The following RAP1GDS1 variants were observed in gnomAD, a reference collection of about 807,000 sequenced individuals.
The protein encoded by RAP1GDS1 is Rap1 GTPase-GDP dissociation stimulator 1.
RAP1GDS1 carries 35 observed loss-of-function variants against 71.1 expected under a neutral mutation model. The ratio of observed to expected loss-of-function variants is 0.49; its 90% confidence interval spans 0.38 to 0.65. The LOEUF is 0.65. Ranked by LOEUF, RAP1GDS1 falls within the 30% of genes least tolerant of loss-of-function variation. The probability of loss-of-function intolerance (pLI) is 0.00; values close to 1 mark genes in which losing one functional copy is unlikely to be tolerated. For synonymous variants in RAP1GDS1, 229 were observed against 243.1 expected (o/e 0.94, Z 0.54); for missense variants, 663 against 706.1 (o/e 0.94, Z 0.69).
chr4:98,382,800 T>C (rs17027532), intron 5 of RAP1GDS1, among the ~76,000 whole-genome samples: 11,563 of 151,714 alleles, frequency 0.076, 487 homozygotes, highest in Admixed American at 0.14. Context: ...AAACATGTTA[T>C]TGGAATGCAT....
At chr4:98,394,753 C>T (rs1466960550) in intron 6 of RAP1GDS1, among the ~76,000 whole-genome samples, 1 of 152,050 alleles carries the variant, frequency 6.6e-6, no homozygotes, top group Non-Finnish European at 1.5e-5. Context: ...CCAAATACTT[C>T]AATATGTAAA....
intron 5 of RAP1GDS1, among the ~76,000 whole-genome samples, chr4:98,381,836 T>TA (rs560311916): frequency 4.7e-5 from 7 of 150,434 alleles, no homozygotes; most frequent in African/African-American, 7.3e-5. Context: ...AGTATGCTTA[T>TA]AAAAAAAAAG....
intron 4 of RAP1GDS1, among the ~76,000 whole-genome samples, chr4:98,363,302 A>G (rs1458452845): frequency 6.6e-6 from 1 of 151,856 alleles, no homozygotes; most frequent in Admixed American, 6.6e-5. Context: ...AGCCTGGGCA[A>G]CACAGCAAGA....
intron 6 of RAP1GDS1, among the ~76,000 whole-genome samples, chr4:98,402,052 A>G (rs1445900230): frequency 6.6e-6 from 1 of 152,036 alleles, no homozygotes; most frequent in Non-Finnish European, 1.5e-5. Flanking sequence ...CCAGGGATAA[A>G]TCATCTCTAC....
At chr4:98,431,675 A>G (rs1750424581) in intron 12 of RAP1GDS1, among the ~76,000 whole-genome samples, 2 of 152,224 alleles carry the variant, frequency 1.3e-5, no homozygotes, top group African/African-American at 4.8e-5. Flanking sequence ...CAGTTCCTTC[A>G]TCTATATGAA....
At chr4:98,412,292 T>TGC (rs1248252403) in intron 7 of RAP1GDS1, among the ~76,000 whole-genome samples, 1 of 152,122 alleles carries the variant, frequency 6.6e-6, no homozygotes. Flanking sequence ...GCAGGAAGAT[T>TGC]GCTTGAGGCC....
chr4:98,401,479 T>C (rs1358603936), intron 6 of RAP1GDS1, among the ~76,000 whole-genome samples: 2 of 152,162 alleles, frequency 1.3e-5, no homozygotes, highest in South Asian at 2.1e-4. Context: ...AGTACAAATA[T>C]GTAGTTTAGA....
intron 2 of RAP1GDS1, among the ~76,000 whole-genome samples, chr4:98,324,450 C>T (rs1255284915): frequency 1.3e-5 from 2 of 151,208 alleles, no homozygotes; most frequent in African/African-American, 4.9e-5. Flanking sequence ...CAAGAAAGAG[C>T]CCGCATCGCC....
At chr4:98,262,592 A>C (rs1722182696) in intron 1 of RAP1GDS1, among the ~76,000 whole-genome samples, 1 of 152,154 alleles carries the variant, frequency 6.6e-6, no homozygotes, top group Non-Finnish European at 1.5e-5. Context: ...TAAGTTCCCC[A>C]GTTTGCTTCC....
intron 12 of RAP1GDS1, among the ~76,000 whole-genome samples, chr4:98,428,421 A>G (rs913083948): frequency 2.6e-5 from 4 of 152,230 alleles, no homozygotes; most frequent in Non-Finnish European, 4.4e-5. Context: ...GACAACCCAC[A>G]GAGTGGAAGA....
chr4:98,418,778 C>T lies in RAP1GDS1; in HGVS notation c.1161C>T (p.Asn387=), dbSNP rs747137897. Residue 387 remains asparagine, a synonymous_variant, in exon 10 of 15, where the codon AAC becomes AAT. Coordinates refer to ENST00000408927, the MANE Select transcript of RAP1GDS1 (RefSeq NM_001100427.2). ...VQHAALSALR[N]LAIPVINKAK... is the part of the protein sequence containing the mutation. Reference sequence around the variant, plus strand: ...ATGCAGCACTAAGTGCCCTCAGAAACCTGGCCATTCCAGGTAAGACTTAAG... The same window carrying T: ...ATGCAGCACTAAGTGCCCTCAGAAATCTGGCCATTCCAGGTAAGACTTAAG... 3 of 1,590,984 alleles carry T rather than the reference C, an allele frequency of 1.9e-6. No individual in the cohort carries two copies. The highest frequency in any genetic ancestry group is 2.3e-5 in the South Asian group (2 of 85,884).
intron 1 of RAP1GDS1, among the ~76,000 whole-genome samples, chr4:98,281,805 GTTT>G (rs987488119): frequency 2.1e-4 from 32 of 152,142 alleles, no homozygotes; most frequent in African/African-American, 7.2e-4. Flanking sequence ...TTTATTGAGA[GTTT>G]TTAGCATGAA....
chr4:98,312,580 T>G (rs941454070), intron 2 of RAP1GDS1, among the ~76,000 whole-genome samples: 1 of 152,162 alleles, frequency 6.6e-6, no homozygotes, highest in Non-Finnish European at 1.5e-5. Flanking sequence ...ACGTTTGTGT[T>G]CTTACTTGGA....
intron 3 of RAP1GDS1, among the ~76,000 whole-genome samples, chr4:98,343,633 C>T (rs1735811129): frequency 6.6e-6 from 1 of 152,110 alleles, no homozygotes; most frequent in South Asian, 2.1e-4. Flanking sequence ...CCCACATAAA[C>T]TCACTGTTCT....
At chr4:98,356,144 A>G (rs952344298) in intron 4 of RAP1GDS1, among the ~76,000 whole-genome samples, 2 of 152,138 alleles carry the variant, frequency 1.3e-5, no homozygotes, top group African/African-American at 2.4e-5. Context: ...TTGTATTTCA[A>G]TTTGGAAAGA....
At chr4:98,414,742 A>T (rs1747664638) in intron 7 of RAP1GDS1, among the ~76,000 whole-genome samples, 1 of 151,874 alleles carries the variant, frequency 6.6e-6, no homozygotes. Flanking sequence ...GTTTTTTCCA[A>T]TTCTGTGAAG....
intron 1 of RAP1GDS1, among the ~76,000 whole-genome samples, chr4:98,271,619 CATTT>C (rs568014433): frequency 6.7e-6 from 1 of 150,182 alleles, no homozygotes; most frequent in Non-Finnish European, 1.5e-5. Flanking sequence ...TAGTATAACT[CATTT>C]ATGTATATAT....
intron 6 of RAP1GDS1, among the ~76,000 whole-genome samples, chr4:98,395,266 T>A (rs1310551543): frequency 1.3e-5 from 2 of 152,174 alleles, no homozygotes; most frequent in Non-Finnish European, 2.9e-5. Flanking sequence ...ACAAGTTTAA[T>A]TAAAACATTT....
intron 3 of RAP1GDS1, among the ~76,000 whole-genome samples, chr4:98,350,061 A>G (rs552416041): frequency 1.3e-5 from 2 of 152,338 alleles, no homozygotes; most frequent in African/African-American, 4.8e-5. Flanking sequence ...AATGGTTCCA[A>G]AGAGTTTTGA....
Sources: gnomAD v4.1 joint callset for allele counts (sites outside exome capture counted in the v4.1 genomes callset) on GRCh38, gnomAD v4.1.1 for gene constraint, MANE v1.5 for transcripts, NCBI Gene and HGNC (gene_info 2026-07-23, HGNC 2026-07-21) for gene names.